The following MOBP variants were observed in gnomAD, a reference collection of about 807,000 sequenced individuals.
MOBP encodes myelin associated oligodendrocyte basic protein.
Under a neutral mutation model 15.0 loss-of-function variants are expected in MOBP, and 5 were observed. The ratio of observed to expected loss-of-function variants is 0.33; its 90% CI spans 0.17 to 0.70. MOBP has a LOEUF of 0.70. Ranked by LOEUF, MOBP falls within the 30% of genes least tolerant of loss-of-function variation. The pLI, the probability that MOBP is intolerant of heterozygous loss-of-function variation, is 0.67. For missense variants in MOBP, 188 were observed against 257.8 expected (o/e 0.73, Z 1.85); for synonymous variants, 88 against 99.0 (o/e 0.89, Z 0.66).
chr3:39,504,520 T>C (rs983020421), downstream of MOBP, among the ~76,000 whole-genome samples: 1 of 22,524 alleles, frequency 4.4e-5, no homozygotes, highest in African/African-American at 6.4e-5. Context: ...CTAATTTCAG[T>C]GGGTATCAGA....
chr3:39,508,170 GAC>G (rs2043070659), intron 4 of MOBP, among the ~76,000 whole-genome samples: 1 of 152,050 alleles, frequency 6.6e-6, no homozygotes, highest in Non-Finnish European at 1.5e-5. Context: ...CATGCATTCA[GAC>G]AAAAAAGGAA....
At chr3:39,490,783 G>A (rs1006377130) in intron 2 of MOBP, among the ~76,000 whole-genome samples, 5 of 152,084 alleles carry the variant, frequency 3.3e-5, no homozygotes, top group Non-Finnish European at 5.9e-5. Context: ...GGCTGGTCTC[G>A]AACGCTTGAC....
chr3:39,471,310 T>C (rs1353655727), intron 1 of MOBP, among the ~76,000 whole-genome samples: 1 of 152,030 alleles, frequency 6.6e-6, no homozygotes, highest in Non-Finnish European at 1.5e-5. Context: ...TTTGTATTTT[T>C]AGTAGAGACG....
chr3:39,528,038 A>G (rs2043352247), downstream of MOBP: 1 of 152,230 alleles, frequency 6.6e-6, no homozygotes, highest in Non-Finnish European at 1.5e-5. Flanking sequence ...GTATGACAAT[A>G]TATGGCTTTT....
At chr3:39,510,138 A>G (rs951399746) in intron 4 of MOBP, among the ~76,000 whole-genome samples, 2 of 152,110 alleles carry the variant, frequency 1.3e-5, no homozygotes, top group Admixed American at 1.3e-4. Context: ...AGTTGATCAT[A>G]TATTTATGGG....
downstream of MOBP, among the ~76,000 whole-genome samples, chr3:39,505,939 C>G (rs1438377062): frequency 6.6e-6 from 1 of 152,130 alleles, no homozygotes; most frequent in Non-Finnish European, 1.5e-5. Context: ...CCCAGCCACT[C>G]CCCAGACTGT....
At chr3:39,497,005 G>A (rs1214341846) in intron 2 of MOBP, among the ~76,000 whole-genome samples, 6 of 152,282 alleles carry the variant, frequency 3.9e-5, no homozygotes, top group Non-Finnish European at 7.3e-5. Context: ...GTTTCACCAT[G>A]TTGACCAGCC....
chr3:39,468,344 G>GA (rs1332431457), intron 1 of MOBP, among the ~76,000 whole-genome samples: 1 of 152,112 alleles, frequency 6.6e-6, no homozygotes, highest in Admixed American at 6.6e-5. Context: ...ACAGAGAAAG[G>GA]AAAAAATATT....
At chr3:39,475,972 G>A (rs2042540100) in intron 1 of MOBP, among the ~76,000 whole-genome samples, 1 of 152,170 alleles carries the variant, frequency 6.6e-6, no homozygotes, top group Non-Finnish European at 1.5e-5. Flanking sequence ...ATCTGACACT[G>A]AGTAATTTAT....
intron 1 of MOBP, among the ~76,000 whole-genome samples, chr3:39,476,565 G>T (rs761645898): frequency 6.6e-5 from 10 of 151,694 alleles, no homozygotes; most frequent in Non-Finnish European, 1.2e-4. Context: ...GTATTTATTT[G>T]CTTAATTCTA....
At chr3:39,498,916 A>C (rs1039063247) in intron 2 of MOBP, among the ~76,000 whole-genome samples, 2 of 152,230 alleles carry the variant, frequency 1.3e-5, no homozygotes, top group African/African-American at 4.8e-5. Flanking sequence ...CAGCTGGAGC[A>C]GTGAGTGGGA....
At chr3:39,489,694 C>CCCG (rs10662377) in intron 2 of MOBP, among the ~76,000 whole-genome samples, 2,790 of 150,824 alleles carry the variant, frequency 0.018, 64 homozygotes, top group African/African-American at 0.064. Context: ...GTTCCCCGCC[C>CCCG]AGCTCCTGTC....
intron 1 of MOBP, among the ~76,000 whole-genome samples, chr3:39,476,035 A>G (rs9825459): frequency 0.019 from 2,904 of 152,338 alleles, 72 homozygotes; most frequent in African/African-American, 0.065. Flanking sequence ...CAGGAAGCAT[A>G]GCAGCTTCTG....
intron 1 of MOBP, among the ~76,000 whole-genome samples, chr3:39,472,473 T>C (rs2042484806): frequency 6.6e-6 from 1 of 152,198 alleles, no homozygotes; most frequent in African/African-American, 2.4e-5. Flanking sequence ...ACTGGGAAAA[T>C]GTAGCATTAG....
chr3:39,468,786 ATGTGTGTGTATATATACATATG>A lies in MOBP; in HGVS notation c.-89+1054_-89+1075del, dbSNP rs1371088897. ...TGTGTGTGTATATATACATATATAC[ATGTGTGTGTATATATACATATG>A]TGTGTGTATACATATTACATATGTG... On this transcript the variant is annotated intron_variant, in intron 1 of 3. Transcript: ENST00000684792. 5.3e-4 allele frequency among the ~76,000 whole-genome samples: 27 copies of A among 50,832 alleles called. 3 individuals carry two copies. The highest frequency in any genetic ancestry group is 3.9e-3 in the African/African-American group (15 of 3,812). 33.3% of individuals were successfully genotyped at this position (50,832 alleles called of 152,430 possible).
chr3:39,502,738 C>G lies in MOBP; in HGVS notation c.410C>G (p.Pro137Arg). The stretch of plus-strand genomic sequence containing the variant: ...TCCCCTCCGAGGTCTGAGCGTCAGC[C>G]ACGTCCCCGCCCAGAGGTCCGACCA... ...PRSPPRSERQ[P>R]RPRPEVRPPP... Residue 137 changes from proline to arginine, a missense_variant, in exon 4 of 4, where the codon CCA (proline) becomes CGA (arginine). This residue lies in a region of MOBP where 133 missense variants were observed against 212.5 expected (regional missense o/e 0.63). Transcript: ENST00000684792. The surrounding 1 kb of genome is among the most constrained non-coding windows in gnomAD (Gnocchi z 6.3). 6.5e-7 allele frequency: 1 copy of G among 1,535,634 alleles called. No individual in the cohort carries two copies. Among genetic ancestry groups the G allele is most frequent in the South Asian group, 1.2e-5 (1 of 83,968 alleles).
At chr3:39,517,134 G>A (rs2043214004), downstream of MOBP, among the ~76,000 whole-genome samples, 1 of 152,180 alleles carries the variant, frequency 6.6e-6, no homozygotes, top group African/African-American at 2.4e-5. Context: ...GGTCAGGTGT[G>A]CAGTTGTTAC....
chr3:39,492,964 C>T (rs530774833), intron 2 of MOBP, among the ~76,000 whole-genome samples: 5 of 152,288 alleles, frequency 3.3e-5, no homozygotes, highest in Middle Eastern at 3.4e-3. Flanking sequence ...ACTCTATACC[C>T]GTTTGCATGT....
At chr3:39,499,348 G>A (rs1278822433) in intron 2 of MOBP, 2 of 152,164 alleles carry the variant, frequency 1.3e-5, no homozygotes, top group Non-Finnish European at 2.9e-5. Context: ...TACCTGTCTG[G>A]GTAAAGGGCT....
Sources: gnomAD v4.1 joint callset for allele counts (sites outside exome capture counted in the v4.1 genomes callset) on GRCh38, gnomAD v4.1.1 for gene constraint, gnomAD v4.1.1 regional missense constraint, Gnocchi (gnomAD v3.1) non-coding constraint, MANE v1.5 for transcripts, NCBI Gene and HGNC (gene_info 2026-07-23, HGNC 2026-07-21) for gene names.